The following TPM1 variants were observed in gnomAD, a reference collection of about 807,000 sequenced individuals.
The protein encoded by TPM1 is tropomyosin 1, also known as tropomyosin alpha-1 chain.
Under a neutral mutation model 42.9 loss-of-function variants are expected in TPM1, and 24 were observed. The observed-to-expected ratio is 0.56, with a 90% CI of 0.41 to 0.79. The LOEUF (loss-of-function observed/expected upper bound fraction) is 0.79. TPM1 is among the 30% of genes least tolerant of loss of function. The pLI is 0.00. For synonymous variants in TPM1, 136 were observed against 130.1 expected, an observed-to-expected ratio of 1.05 and a Z score of -0.31; for missense variants, 158 against 351.8, an observed-to-expected ratio of 0.45 and a Z score of 4.41.
chr15:63,064,495 A>C, intron 9 of TPM1: 1 of 1,103,490 alleles, frequency 9.1e-7, no homozygotes, highest in Non-Finnish European at 1.1e-6. Flanking sequence ...TTCTCAAAAA[A>C]TATCAAAATT....
chr15:63,061,353 G>C, intron 5 of TPM1: 1 of 1,336,348 alleles, frequency 7.5e-7, no homozygotes, highest in East Asian at 2.3e-5. Context: ...GGTTCGTTTG[G>C]TATAACGACT....
chr15:63,062,963 T>C (rs1596388735), intron 8 of TPM1: 1 of 1,417,964 alleles, frequency 7.1e-7, no homozygotes, highest in South Asian at 1.6e-5. Context: ...GTATATTTTA[T>C]ATCTTTAGTG....
At chr15:63,062,964 A>G (rs2035851890) in intron 8 of TPM1, 1 of 1,411,948 alleles carries the variant, frequency 7.1e-7, no homozygotes, top group African/African-American at 1.4e-5. Context: ...TATATTTTAT[A>G]TCTTTAGTGT....
rs869025539 is a variant in TPM1 at position 63,042,873 on chromosome 15, A to G, written c.44A>G (p.Lys15Arg). 6.2e-7 allele frequency: 1 copy of G among 1,613,372 alleles called. No homozygotes were observed. The highest frequency in any genetic ancestry group is 8.5e-7 in the Non-Finnish European group (1 of 1,179,508). ...KKKMQMLKLD[K>R]ENALDRAEQA... ...AAGATGCAGATGCTGAAGCTCGACA[A>G]GGAGAACGCCTTGGATCGAGCTGAG... The change falls in exon 1 of 10, where the codon AAG becomes AGG. Residue 15 changes from lysine (K) to arginine (R), a missense_variant. Physicochemically the swap from Lys to Arg is conservative, Grantham distance 26. This residue lies in a region of TPM1 where 5 missense variants were observed against 20.4 expected (regional missense o/e 0.25). Transcript: ENST00000403994.
At chr15:63,071,629 T>C in exon 9 of TPM1, 1 of 213,606 alleles carries the variant, frequency 4.7e-6, no homozygotes, top group Non-Finnish European at 9.5e-6. Context: ...TGAGTTTTAC[T>C]ACAAGATGAG....
rs4075047 is a variant in TPM1 at position 63,048,408 on chromosome 15, T to C, written c.240+4256T>C. The C allele has an allele frequency of 0.14, 192,359 of 1,353,772 alleles. 16,920 individuals carry two copies. Among genetic ancestry groups the C allele is most frequent in the East Asian group, 0.46 (14,327 of 31,032 alleles). 83.9% of individuals were successfully genotyped at this position (1,353,772 alleles called of 1,614,324 possible). On this transcript the variant is annotated intron_variant, in intron 2 of 9. Transcript: ENST00000403994. ...GGTTTGTCTGCGCAGCCCTGGAGGC[T>C]GCGACTTCCGGACTGCTCCTGGCCG... is the stretch of plus-strand genomic sequence containing the variant.
intron 2 of TPM1, chr15:63,049,325 T>C (rs184352995): frequency 1.3e-5 from 2 of 153,448 alleles, no homozygotes; most frequent in South Asian, 2.0e-4. Flanking sequence ...TTTTCAGCAG[T>C]CCTCCTCCCC....
At chr15:63,061,809 G>T in intron 6 of TPM1, 21 bp downstream of exon 6, 1 of 1,611,010 alleles carries the variant, frequency 6.2e-7, no homozygotes, top group Non-Finnish European at 8.5e-7. Flanking sequence ...AGGATGGTGT[G>T]GGGGAAAGGC....
At position 63,044,448 on chromosome 15, in the gene TPM1, C is replaced by T. The variant is rs181995221; in HGVS notation, c.240+296C>T. On this transcript the variant is annotated intron_variant, in intron 2 of 9. Transcript: ENST00000403994. Reference sequence around the variant, plus strand: ...AATTGGACTCTGGAGGTGAACTTCACCTCCCTGGTGGCAGAAAACCCTTGA... The same window carrying T: ...AATTGGACTCTGGAGGTGAACTTCATCTCCCTGGTGGCAGAAAACCCTTGA... 127 of 595,136 alleles carry T rather than the reference C, an allele frequency of 2.1e-4. 1 individual carries two copies. The East Asian group carries it at 3.2e-3, about 15-fold the overall frequency. 36.9% of individuals were successfully genotyped at this position (595,136 alleles called of 1,614,324 possible). A position where few individuals can be genotyped will look rare whatever the true frequency, so the allele number is the denominator to read the frequency against.
intron 2 of TPM1, chr15:63,056,174 T>C (rs2034750822): frequency 6.6e-6 from 1 of 152,240 alleles, no homozygotes; most frequent in African/African-American, 2.4e-5. Flanking sequence ...TAAGTTCCTT[T>C]GTAAGGATCC....
downstream of TPM1, among the ~76,000 whole-genome samples, chr15:63,066,435 T>C (rs757941588): frequency 1.6e-4 from 25 of 152,362 alleles, no homozygotes; most frequent in Non-Finnish European, 3.4e-4. Flanking sequence ...TTGAAAGGTC[T>C]GGCTTGATCA....
rs531649718 is a variant in TPM1 at position 63,057,174 on chromosome 15, G to A, written c.374+56G>A. Reference sequence around the variant, plus strand: ...GCTGCCTTTCCTGGTGGAATAAACCGGAGGGCTCCTGTGATCTTTGAGGTT... The same window carrying A: ...GCTGCCTTTCCTGGTGGAATAAACCAGAGGGCTCCTGTGATCTTTGAGGTT... On this transcript the variant is annotated intron_variant, in intron 3 of 9. Coordinates refer to ENST00000403994, the MANE Select transcript of TPM1 (RefSeq NM_001018005.2). 6.5e-5 allele frequency: 104 copies of A among 1,610,294 alleles called. No homozygotes were observed. The African/African-American group carries it at 1.2e-3, about 18-fold the overall frequency.
chr15:63,066,320 T>A (rs1208056204), downstream of TPM1: 1 of 586,314 alleles, frequency 1.7e-6, no homozygotes, highest in East Asian at 9.4e-5. Flanking sequence ...GAGTTCTGAT[T>A]TTCAAAGGTT....
chr15:63,065,719 C>T (rs569095831), intron 9 of TPM1, 177 bp from the exon 10 acceptor site: 32 of 932,228 alleles, frequency 3.4e-5, no homozygotes, highest in Admixed American at 6.2e-5. Context: ...CGGCCTGTGA[C>T]GGCCTCAGGT....
At chr15:63,050,750 A>T (rs2033690918) in intron 2 of TPM1, among the ~76,000 whole-genome samples, 1 of 152,244 alleles carries the variant, frequency 6.6e-6, no homozygotes, top group African/African-American at 2.4e-5. Context: ...TTCAGGCTGC[A>T]AGTTGTTCCT....
At chr15:63,065,031 G>T (rs1454430240) in intron 9 of TPM1, 1 of 985,218 alleles carries the variant, frequency 1.0e-6, no homozygotes, top group Non-Finnish European at 1.2e-6. Context: ...TTAATTTTGT[G>T]TTTTTATGAA....
At chr15:63,062,097 C>T in intron 6 of TPM1, 118 bp from the exon 7 acceptor site, 1 of 890,664 alleles carries the variant, frequency 1.1e-6, no homozygotes, top group East Asian at 2.5e-5. Context: ...ATCAGAGGTT[C>T]CATTACCTCC....
chr15:63,069,832 T>C, downstream of TPM1: 1 of 1,613,700 alleles, frequency 6.2e-7, no homozygotes, highest in Non-Finnish European at 8.5e-7. Flanking sequence ...GTCTTCCTTC[T>C]GCCTCTTTTC....
rs730881148 is a variant in TPM1 at position 63,042,839 on chromosome 15, A to G, written c.10A>G (p.Ile4Val). ...CCTCGCCGCCGCCACCATGGACGCC[A>G]TCAAGAAGAAGATGCAGATGCTGAA... Reference protein sequence around the residue: MDAIKKKMQMLKLD... With the variant: MDAVKKKMQMLKLD... The change falls in exon 1 of 10, where the codon ATC (isoleucine) becomes GTC (valine). Residue 4 changes from isoleucine (I) to valine (V), a missense_variant. Ile to Val is a conservative substitution (Grantham distance 29, BLOSUM62 3). This residue lies in a region of TPM1 where 5 missense variants were observed against 20.4 expected (regional missense o/e 0.25). Transcript: ENST00000403994. The G allele has an allele frequency of 6.2e-7, 1 of 1,613,132 alleles. No individual in the cohort carries two copies. The highest frequency in any genetic ancestry group is 2.2e-5 in the East Asian group (1 of 44,806).
Sources: gnomAD v4.1 joint callset for allele counts (sites outside exome capture counted in the v4.1 genomes callset) on GRCh38, gnomAD v4.1.1 for gene constraint, gnomAD v4.1.1 regional missense constraint, MANE v1.5 for transcripts, NCBI Gene and HGNC (gene_info 2026-07-23, HGNC 2026-07-21) for gene names.